The following TAS2R1 variants were observed in gnomAD, a reference collection of about 807,000 sequenced individuals.
TAS2R1 encodes taste receptor type 2 member 1.
For synonymous variants in TAS2R1, 141 were observed against 134.2 expected (o/e 1.05, Z -0.35); for missense variants, 370 against 353.4 (o/e 1.05, Z -0.38).
At chr5:9,711,701 T>A (rs564248428) in intron 1 of TAS2R1, among the ~76,000 whole-genome samples, 5 of 152,292 alleles carry the variant, frequency 3.3e-5, no homozygotes, top group African/African-American at 1.2e-4. Context: ...GGAGTCTCAC[T>A]CTGTGGCCCA....
the TAS2R1 span, among the ~76,000 whole-genome samples, chr5:9,776,579 T>C: frequency 6.6e-6 from 1 of 152,138 alleles, no homozygotes; most frequent in Non-Finnish European, 1.5e-5. Context: ...ATGAGGAGAT[T>C]CAAGTGGGCC....
chr5:9,847,697 C>G, the TAS2R1 span, among the ~76,000 whole-genome samples: 1 of 152,188 alleles, frequency 6.6e-6, no homozygotes, highest in African/African-American at 2.4e-5. Context: ...CATTTGTAAG[C>G]CTTTGACGGT....
the TAS2R1 span, among the ~76,000 whole-genome samples, chr5:9,798,642 T>C: frequency 1.2e-4 from 18 of 152,204 alleles, no homozygotes; most frequent in African/African-American, 4.3e-4. Context: ...TGAGCTTTGG[T>C]TAACTGGCTG....
chr5:9,780,449 C>T, the TAS2R1 span, among the ~76,000 whole-genome samples: 735 of 152,296 alleles, frequency 4.8e-3, 3 homozygotes, highest in Non-Finnish European at 8.5e-3. Context: ...GAGCTGGGAC[C>T]CCCTACCCAC....
At chr5:9,749,443 C>A in the TAS2R1 span, among the ~76,000 whole-genome samples, 1 of 152,186 alleles carries the variant, frequency 6.6e-6, no homozygotes, top group Non-Finnish European at 1.5e-5. Context: ...AATTATTGAT[C>A]ATGTACAGCA....
At chr5:9,899,986 T>A in the TAS2R1 span, among the ~76,000 whole-genome samples, 1 of 152,200 alleles carries the variant, frequency 6.6e-6, no homozygotes, top group Non-Finnish European at 1.5e-5. Context: ...GGAGTGAAGA[T>A]AAGTCTCCAT....
the TAS2R1 span, among the ~76,000 whole-genome samples, chr5:9,733,955 C>T: frequency 6.6e-6 from 1 of 152,054 alleles, no homozygotes; most frequent in Admixed American, 6.5e-5. Flanking sequence ...ACCACTTGTG[C>T]TATCATCCAA....
chr5:9,843,287 T>G, the TAS2R1 span, among the ~76,000 whole-genome samples: 1 of 152,218 alleles, frequency 6.6e-6, no homozygotes, highest in Non-Finnish European at 1.5e-5. Context: ...TTTCTCATTT[T>G]GTGGAAAAGT....
the TAS2R1 span, among the ~76,000 whole-genome samples, chr5:9,719,297 T>G: frequency 6.6e-6 from 1 of 152,126 alleles, no homozygotes; most frequent in South Asian, 2.1e-4. Context: ...AAATGATAAA[T>G]CAAATGGGTT....
At chr5:9,817,461 T>C in the TAS2R1 span, among the ~76,000 whole-genome samples, 1 of 152,244 alleles carries the variant, frequency 6.6e-6, no homozygotes, top group African/African-American at 2.4e-5. Context: ...ATTGAGATAC[T>C]TTTCAAACTG....
chr5:9,642,730 T>A (rs1054081620), intron 2 of TAS2R1, among the ~76,000 whole-genome samples: 1 of 152,194 alleles, frequency 6.6e-6, no homozygotes, highest in African/African-American at 2.4e-5. Flanking sequence ...AATAGAATAA[T>A]GGAGCAATGC....
chr5:9,901,217 C>A, the TAS2R1 span, among the ~76,000 whole-genome samples: 1 of 149,872 alleles, frequency 6.7e-6, no homozygotes, highest in Non-Finnish European at 1.5e-5. Flanking sequence ...CAGCTCAATA[C>A]AAATGAATGT....
At chr5:9,714,481 G>T (rs536945092), upstream of TAS2R1, among the ~76,000 whole-genome samples, 24 of 152,282 alleles carry the variant, frequency 1.6e-4, no homozygotes, top group Non-Finnish European at 2.8e-4. Context: ...TCCAGGGCCG[G>T]CTTCACCAGA....
chr5:9,749,295 CACCATTTGTGTAG>C, the TAS2R1 span, among the ~76,000 whole-genome samples: 1 of 152,302 alleles, frequency 6.6e-6, no homozygotes, highest in East Asian at 1.9e-4. Context: ...GCATAGCCAT[CACCATTTGTGTAG>C]ACCTTAAATG....
At chr5:9,860,835 G>A in the TAS2R1 span, among the ~76,000 whole-genome samples, 7 of 152,150 alleles carry the variant, frequency 4.6e-5, no homozygotes, top group Non-Finnish European at 8.8e-5. Context: ...AAGGTTGGTC[G>A]CAGTGAAAAT....
chr5:9,751,859 C>A, the TAS2R1 span, among the ~76,000 whole-genome samples: 1 of 152,206 alleles, frequency 6.6e-6, no homozygotes, highest in African/African-American at 2.4e-5. Flanking sequence ...CTGCTCTCAG[C>A]TTTATTGTCC....
chr5:9,741,165 G>A, the TAS2R1 span, among the ~76,000 whole-genome samples: 649 of 152,164 alleles, frequency 4.3e-3, 6 homozygotes, highest in African/African-American at 0.014. Context: ...CATTGCTTAC[G>A]TGAAGTCCCG....
At chr5:9,643,286 A>T (rs1251164997) in intron 2 of TAS2R1, among the ~76,000 whole-genome samples, 2 of 152,184 alleles carry the variant, frequency 1.3e-5, no homozygotes, top group East Asian at 3.8e-4. Flanking sequence ...ATAGTCCATT[A>T]TTTTGCTCCT....
At chr5:9,767,356 G>T in the TAS2R1 span, among the ~76,000 whole-genome samples, 2 of 152,064 alleles carry the variant, frequency 1.3e-5, no homozygotes, top group South Asian at 4.2e-4. Flanking sequence ...GAGCTGTCCA[G>T]ATCTCTTGTT....
Sources: gnomAD v4.1 joint callset for allele counts (sites outside exome capture counted in the v4.1 genomes callset) on GRCh38, gnomAD v4.1.1 for gene constraint, MANE v1.5 for transcripts, NCBI Gene and HGNC (gene_info 2026-07-23, HGNC 2026-07-21) for gene names.